The following DNAI1 variants were observed in gnomAD, a reference collection of about 807,000 sequenced individuals.
DNAI1 encodes the protein dynein axonemal intermediate chain 1, also known as dynein, axonemal, intermediate polypeptide 1.
DNAI1 carries 67 observed loss-of-function variants against 92.0 expected under a neutral mutation model. The observed-to-expected ratio is 0.73, with a 90% CI of 0.60 to 0.89. The LOEUF (loss-of-function observed/expected upper bound fraction) is 0.89. Ranked by LOEUF, DNAI1 falls within the 40% of genes least tolerant of loss-of-function variation. DNAI1 has a pLI of 0.00. For missense variants in DNAI1, 839 were observed against 866.6 expected (o/e 0.97, Z 0.40); for synonymous variants, 323 against 319.6 (o/e 1.01, Z -0.11).
intron 1 of DNAI1, among the ~76,000 whole-genome samples, chr9:34,472,805 A>G (rs1483043821): frequency 1.3e-5 from 2 of 151,960 alleles, no homozygotes; most frequent in Admixed American, 1.3e-4. Flanking sequence ...GGGAGGGTGA[A>G]GCAGGAGGAT....
intron 8 of DNAI1, among the ~76,000 whole-genome samples, chr9:34,492,158 G>A (rs1267469606): frequency 6.6e-6 from 1 of 152,152 alleles, no homozygotes; most frequent in African/African-American, 2.4e-5. Context: ...TGGAGGGTCT[G>A]AATGAGATAA....
intron 12 of DNAI1, among the ~76,000 whole-genome samples, chr9:34,505,808 C>T (rs981060748): frequency 1.3e-5 from 2 of 152,238 alleles, no homozygotes; most frequent in African/African-American, 2.4e-5. Context: ...GTAGGGGCTG[C>T]ACTAGCCTTC....
intron 1 of DNAI1, among the ~76,000 whole-genome samples, chr9:34,475,855 G>T (rs1275397862): frequency 6.6e-6 from 1 of 152,164 alleles, no homozygotes; most frequent in African/African-American, 2.4e-5. Context: ...ATTTATGGTA[G>T]AGAACAGCTT....
rs1824941197 is a variant in DNAI1 at position 34,506,796 on chromosome 9, C to A, written c.1233C>A (p.Tyr411Ter). 1 of 1,614,070 alleles carries A rather than the reference C, an allele frequency of 6.2e-7. No homozygotes were observed. Among genetic ancestry groups the A allele is most frequent in the Non-Finnish European group, 8.5e-7 (1 of 1,180,038 alleles). Reference protein sequence around the residue: ...VGHYDGNVAIYNLKKPHSQPS... With the variant: ...VGHYDGNVAI ...ACTATGACGGCAACGTGGCCATTTA[C>A]AACCTCAAGAAGCCCCACTCCCAGC... Residue 411 changes from tyrosine (Y) to a stop codon, truncating the protein, a stop_gained, in exon 13 of 20, where the codon TAC (tyrosine) becomes TAA (stop). Coordinates refer to ENST00000242317, the MANE Select transcript of DNAI1 (RefSeq NM_012144.4). LOFTEE classifies it high-confidence loss of function.
chr9:34,492,521 TATATATATATATA>T (rs1564033946), intron 8 of DNAI1, among the ~76,000 whole-genome samples: 1 of 121,026 alleles, frequency 8.3e-6, no homozygotes, highest in Non-Finnish European at 1.8e-5. Context: ...TATATATATA[TATATATATATATA>T]TTTGAGACAA....
At chr9:34,517,146 C>G (rs998586797) in intron 18 of DNAI1, 139 bp from the exon 19 acceptor site, 32 of 866,160 alleles carry the variant, frequency 3.7e-5, no homozygotes, top group Non-Finnish European at 5.1e-5. Context: ...ACAAAATTCC[C>G]CCTCCCTCCA....
intron 10 of DNAI1, 63 bp downstream of exon 10, chr9:34,497,262 T>A (rs747154276): frequency 9.4e-6 from 12 of 1,281,898 alleles, no homozygotes; most frequent in Non-Finnish European, 1.4e-5. Flanking sequence ...CATAAAAGCT[T>A]GGGTTATTTG....
rs145255836 is a variant in DNAI1, at chr9:34,505,494, A to C, written c.1064-1133A>C. Among the ~76,000 whole-genome samples the C allele has an allele frequency of 3.4e-3, 515 of 152,318 alleles. 2 individuals carry two copies. The highest frequency in any genetic ancestry group is 0.011 in the African/African-American group (475 of 41,566). ...TCTGCAGAATCCCTCTTGCCATGAA[A>C]AGTGACATATTTACAGGCTCAGGGG... On this transcript the variant is annotated intron_variant, in intron 12 of 19. Transcript: ENST00000242317.
chr9:34,516,862 C>T (rs745428831), intron 18 of DNAI1, among the ~76,000 whole-genome samples: 1 of 151,752 alleles, frequency 6.6e-6, no homozygotes, highest in Non-Finnish European at 1.5e-5. Flanking sequence ...ATCTCAGCCT[C>T]CCTAGTAGCT....
At chr9:34,468,242 C>T (rs1241792597) in intron 1 of DNAI1, among the ~76,000 whole-genome samples, 1 of 151,336 alleles carries the variant, frequency 6.6e-6, no homozygotes, top group Non-Finnish European at 1.5e-5. Context: ...AATGCAGTGG[C>T]GCGATCTCGG....
chr9:34,482,789 T>C (rs1407543508), intron 1 of DNAI1, among the ~76,000 whole-genome samples: 1 of 152,228 alleles, frequency 6.6e-6, no homozygotes. Flanking sequence ...GGGTGGTCGA[T>C]GGGACTGGGC....
intron 1 of DNAI1, among the ~76,000 whole-genome samples, chr9:34,473,076 G>T (rs1824171160): frequency 6.6e-6 from 1 of 151,758 alleles, no homozygotes; most frequent in Non-Finnish European, 1.5e-5. Flanking sequence ...TAAACAGATG[G>T]GGCATCTATT....
chr9:34,498,026 A>G (rs2132069715), intron 10 of DNAI1, among the ~76,000 whole-genome samples: 1 of 152,328 alleles, frequency 6.6e-6, no homozygotes, highest in East Asian at 1.9e-4. Flanking sequence ...GAAACTTTCT[A>G]GGCAGGGACA....
At position 34,468,673 on chromosome 9, in the gene DNAI1, A is replaced by T. The variant is rs533242163; in HGVS notation, c.48+9620A>T. On this transcript the variant is annotated intron_variant, in intron 1 of 19. Coordinates refer to ENST00000242317, the MANE Select transcript of DNAI1 (RefSeq NM_012144.4). ...AAAACCTCGTCTCTACAAAAAATTT[A>T]AAAATTAGCCAGGCGTGGTGGTATG... Among the ~76,000 whole-genome samples the T allele has an allele frequency of 9.9e-5, 15 of 152,112 alleles. No homozygotes were observed. In the Middle Eastern group the frequency reaches 0.01, roughly 103 times the overall value.
chr9:34,472,733 C>T (rs1824163378), intron 1 of DNAI1, among the ~76,000 whole-genome samples: 1 of 151,882 alleles, frequency 6.6e-6, no homozygotes, highest in South Asian at 2.1e-4. Flanking sequence ...GAGACACTGC[C>T]ACTACAAAAG....
intron 12 of DNAI1, among the ~76,000 whole-genome samples, chr9:34,504,723 C>G (rs1026729039): frequency 6.6e-6 from 1 of 152,248 alleles, no homozygotes; most frequent in Non-Finnish European, 1.5e-5. Flanking sequence ...AGAGGCTGAG[C>G]CCAGCTCGGC....
chr9:34,466,359 G>A (rs140829572), intron 1 of DNAI1, among the ~76,000 whole-genome samples: 1 of 152,306 alleles, frequency 6.6e-6, no homozygotes, highest in East Asian at 1.9e-4. Flanking sequence ...AATGTGTCAT[G>A]TATTCAGCCT....
At chr9:34,480,576 CATG>C (rs1472115902) in intron 1 of DNAI1, among the ~76,000 whole-genome samples, 1 of 152,010 alleles carries the variant, frequency 6.6e-6, no homozygotes, top group Non-Finnish European at 1.5e-5. Context: ...CAACTTTGTA[CATG>C]ATGTTTTCTT....
intron 1 of DNAI1, among the ~76,000 whole-genome samples, chr9:34,462,154 C>G (rs1435616321): frequency 6.6e-6 from 1 of 152,178 alleles, no homozygotes; most frequent in East Asian, 1.9e-4. Context: ...ATGGCCTTTG[C>G]CACCCTGCAT....
Sources: gnomAD v4.1 joint callset for allele counts (sites outside exome capture counted in the v4.1 genomes callset) on GRCh38, gnomAD v4.1.1 for gene constraint, MANE v1.5 for transcripts, NCBI Gene and HGNC (gene_info 2026-07-23, HGNC 2026-07-21) for gene names.